MEI4: variants seen among roughly 807,000 people sequenced by gnomAD.
MEI4 encodes the protein meiosis-specific protein MEI4.
A neutral mutation model predicts 31.4 loss-of-function variants in MEI4; 27 were observed. The ratio of observed to expected loss-of-function variants is 0.86; its 90% CI spans 0.63 to 1.19. The LOEUF is 1.19. Ranked by LOEUF, MEI4 falls within the 50% of genes most tolerant of loss-of-function variation. MEI4 has a pLI of 0.00. For missense variants in MEI4, 329 were observed against 398.9 expected, an observed-to-expected ratio of 0.82 and a Z score of 1.49; for synonymous variants, 122 against 145.4, an observed-to-expected ratio of 0.84 and a Z score of 1.16.
At chr6:77,904,672 T>C (rs1766253934) in intron 4 of MEI4, among the ~76,000 whole-genome samples, 1 of 152,192 alleles carries the variant, frequency 6.6e-6, no homozygotes, top group Non-Finnish European at 1.5e-5. Flanking sequence ...GAATATTCCA[T>C]GATGTATATG....
intron 1 of MEI4, among the ~76,000 whole-genome samples, chr6:77,662,777 G>A (rs1053396874): frequency 6.6e-6 from 1 of 152,164 alleles, no homozygotes; most frequent in Non-Finnish European, 1.5e-5. Flanking sequence ...TTTTTGTTTT[G>A]TAGAAGGTGA....
intron 2 of MEI4, among the ~76,000 whole-genome samples, chr6:77,706,290 G>A (rs1029342149): frequency 2.0e-5 from 3 of 152,284 alleles, no homozygotes; most frequent in African/African-American, 7.2e-5. Flanking sequence ...TTCAGAAGGG[G>A]TCCTTCCCTG....
intron 2 of MEI4, among the ~76,000 whole-genome samples, chr6:77,711,376 A>C (rs553889145): frequency 6.6e-6 from 1 of 152,338 alleles, no homozygotes; most frequent in African/African-American, 2.4e-5. Context: ...ATATAACACA[A>C]CATTACCTTG....
intron 2 of MEI4, among the ~76,000 whole-genome samples, chr6:77,734,837 C>G (rs1767135285): frequency 2.0e-5 from 3 of 151,902 alleles, no homozygotes; most frequent in Admixed American, 2.0e-4. Context: ...CTGGTTGTGA[C>G]AAAATCTCTC....
chr6:77,741,497 T>C (rs1406457555), intron 2 of MEI4, among the ~76,000 whole-genome samples: 1 of 152,118 alleles, frequency 6.6e-6, no homozygotes, highest in Non-Finnish European at 1.5e-5. Context: ...ATTAAAGTAG[T>C]GGAAGGGACT....
intron 3 of MEI4, among the ~76,000 whole-genome samples, chr6:77,772,390 C>T (rs1768339848): frequency 6.6e-6 from 1 of 151,832 alleles, no homozygotes; most frequent in Non-Finnish European, 1.5e-5. Flanking sequence ...GTGATTTAAC[C>T]CAGGATGCAA....
intron 4 of MEI4, among the ~76,000 whole-genome samples, chr6:77,887,531 A>G (rs1182309096): frequency 6.6e-6 from 1 of 152,088 alleles, no homozygotes; most frequent in Non-Finnish European, 1.5e-5. Context: ...TCCTGACCTC[A>G]GATGATCCAC....
At chr6:77,828,518 G>A (rs1257909923) in intron 3 of MEI4, among the ~76,000 whole-genome samples, 2 of 151,940 alleles carry the variant, frequency 1.3e-5, no homozygotes, top group Non-Finnish European at 2.9e-5. Context: ...CCCTTCCATG[G>A]AAAAATTGTC....
chr6:77,727,482 A>G (rs1006407348), intron 2 of MEI4, among the ~76,000 whole-genome samples: 1 of 152,188 alleles, frequency 6.6e-6, no homozygotes, highest in Non-Finnish European at 1.5e-5. Context: ...AAAATAAATA[A>G]GAAGAAGGTG....
At chr6:77,799,337 G>T (rs1582157909) in intron 3 of MEI4, among the ~76,000 whole-genome samples, 1 of 152,170 alleles carries the variant, frequency 6.6e-6, no homozygotes, top group Middle Eastern at 3.4e-3. Context: ...TTTTGATGGG[G>T]TTGTTTGTTT....
intron 4 of MEI4, among the ~76,000 whole-genome samples, chr6:77,838,688 G>A (rs1268254097): frequency 1.3e-5 from 2 of 152,060 alleles, no homozygotes; most frequent in Admixed American, 1.3e-4. Flanking sequence ...GATCACCTGA[G>A]GTCAGGAGTT....
rs182528590 is a variant in MEI4, at chr6:77,748,636, T to C, written c.233-12494T>C. ...GACATTTTCCCCATTGTCTTGGAGA[T>C]TAACATTAGACTCCTCATTATTTAT... On this transcript the variant is annotated intron_variant, in intron 2 of 4. Transcript: ENST00000684080. Among the ~76,000 whole-genome samples the C allele has an allele frequency of 5.6e-4, 86 of 152,322 alleles. 2 individuals carry two copies. Among genetic ancestry groups the C allele is most frequent in the African/African-American group, 1.5e-3 (62 of 41,574 alleles).
At chr6:77,792,632 A>T (rs750083583) in intron 3 of MEI4, among the ~76,000 whole-genome samples, 1 of 151,758 alleles carries the variant, frequency 6.6e-6, no homozygotes, top group Non-Finnish European at 1.5e-5. Context: ...ATCTTTAAGC[A>T]ATTTTGAGTT....
Position 77,820,984 on chromosome 6 carries a change from C to G in MEI4, c.769-7947C>G, listed in dbSNP as rs1009380212. ...TTCTATTCTCTATGTCTCTTAACCT[C>G]TACTCGTATATTGCATGCACATCAT... is the stretch of plus-strand genomic sequence containing the variant. On this transcript the variant is annotated intron_variant, in intron 3 of 4. Coordinates refer to ENST00000684080, the MANE Select transcript of MEI4 (RefSeq NM_001322247.2). This position sits in a 1 kb window ranked among gnomAD's most constrained non-coding sequence, Gnocchi z 4.5. Among the ~76,000 whole-genome samples, 2 of 151,928 alleles carry G rather than the reference C, an allele frequency of 1.3e-5. No individual in the cohort carries two copies. The highest frequency in any genetic ancestry group is 2.9e-5 in the Non-Finnish European group (2 of 67,968).
intron 4 of MEI4, among the ~76,000 whole-genome samples, chr6:77,874,513 A>G (rs9766712): frequency 0.08 from 12,153 of 152,186 alleles, 1,490 homozygotes; most frequent in African/African-American, 0.26. Context: ...GGGCTGAGAC[A>G]ATGGGGTTTT....
intron 4 of MEI4, among the ~76,000 whole-genome samples, chr6:77,913,277 G>A (rs755801121): frequency 6.6e-6 from 1 of 152,068 alleles, no homozygotes. Flanking sequence ...GCTGAATTTG[G>A]TAGTAGGGTA....
intron 3 of MEI4, among the ~76,000 whole-genome samples, chr6:77,816,466 C>T (rs936686698): frequency 2.6e-5 from 4 of 152,002 alleles, no homozygotes; most frequent in Non-Finnish European, 5.9e-5. Flanking sequence ...TTTTAAAATA[C>T]ATTTCATCCT....
intron 2 of MEI4, among the ~76,000 whole-genome samples, chr6:77,691,439 G>C (rs961021861): frequency 6.6e-6 from 1 of 152,010 alleles, no homozygotes; most frequent in Non-Finnish European, 1.5e-5. Flanking sequence ...TTCTGGGAAG[G>C]CTTCTTACCT....
chr6:77,855,703 G>T (rs936044417), intron 4 of MEI4, among the ~76,000 whole-genome samples: 3 of 152,140 alleles, frequency 2.0e-5, no homozygotes, highest in African/African-American at 7.2e-5. Flanking sequence ...TTAATGCAAT[G>T]TGGAATGAGT....
Sources: gnomAD v4.1 joint callset for allele counts (sites outside exome capture counted in the v4.1 genomes callset) on GRCh38, gnomAD v4.1.1 for gene constraint, Gnocchi (gnomAD v3.1) non-coding constraint, MANE v1.5 for transcripts, NCBI Gene and HGNC (gene_info 2026-07-23, HGNC 2026-07-21) for gene names.